Variants in KIAA0232 observed in about 807,000 individuals in gnomAD.
KIAA0232 encodes the protein KIAA0232, also known as uncharacterized protein KIAA0232.
In KIAA0232, 27 loss-of-function variants were observed where a neutral mutation model predicts 122.0. That is an observed-to-expected ratio of 0.22 (90% CI 0.16 to 0.31). The LOEUF (loss-of-function observed/expected upper bound fraction) is 0.31, where lower values mean the gene tolerates loss of function less well. Among genes scored for constraint, KIAA0232 ranks in the 10% least tolerant of loss-of-function variants. KIAA0232 has a pLI of 1.00. For synonymous variants in KIAA0232, 613 were observed against 587.6 expected, an observed-to-expected ratio of 1.04 and a Z score of -0.63; for missense variants, 1,551 against 1,634.2, an observed-to-expected ratio of 0.95 and a Z score of 0.88.
At chr4:6,788,066 T>A (rs2108857552) in intron 1 of KIAA0232, among the ~76,000 whole-genome samples, 1 of 152,288 alleles carries the variant, frequency 6.6e-6, no homozygotes, top group Non-Finnish European at 1.5e-5. Flanking sequence ...TGAGACAGGG[T>A]CTTACTCTGT....
intron 3 of KIAA0232, among the ~76,000 whole-genome samples, chr4:6,831,305 C>G (rs1035481279): frequency 6.6e-6 from 1 of 152,146 alleles, no homozygotes; most frequent in African/African-American, 2.4e-5. Flanking sequence ...CCGCCCGCCT[C>G]GGCCTCCCAA....
intron 7 of KIAA0232, among the ~76,000 whole-genome samples, chr4:6,870,663 G>A (rs887853549): frequency 6.6e-6 from 1 of 152,124 alleles, no homozygotes; most frequent in Non-Finnish European, 1.5e-5. Flanking sequence ...ATTAGCCGGG[G>A]TGGTGGTACA....
At chr4:6,856,528 T>C (rs1165460304) in intron 4 of KIAA0232, among the ~76,000 whole-genome samples, 1 of 152,194 alleles carries the variant, frequency 6.6e-6, no homozygotes, top group Non-Finnish European at 1.5e-5. Flanking sequence ...CTCTTCTATG[T>C]ACTCTCCTTA....
chr4:6,847,628 A>G (rs1401017383), intron 4 of KIAA0232, among the ~76,000 whole-genome samples: 2 of 152,198 alleles, frequency 1.3e-5, no homozygotes, highest in East Asian at 3.8e-4. Context: ...ACATATGCAA[A>G]TAACATGCAA....
intron 2 of KIAA0232, among the ~76,000 whole-genome samples, chr4:6,810,285 C>A: frequency 6.6e-6 from 1 of 152,076 alleles, no homozygotes; most frequent in East Asian, 1.9e-4. Context: ...TATTTATAGC[C>A]AACTGATCTT....
chr4:6,851,225 T>C (rs1433243357), intron 4 of KIAA0232, among the ~76,000 whole-genome samples: 2 of 152,226 alleles, frequency 1.3e-5, no homozygotes, highest in African/African-American at 4.8e-5. Flanking sequence ...ATAACTGGTC[T>C]AAGTTGTGAC....
intron 2 of KIAA0232, among the ~76,000 whole-genome samples, chr4:6,806,149 A>T (rs192848240): frequency 1.3e-5 from 2 of 152,274 alleles, no homozygotes; most frequent in East Asian, 3.9e-4. Context: ...GCATTTTTTT[A>T]AATCTCCATA....
At position 6,882,200 on chromosome 4, in the gene KIAA0232, C is replaced by T. The variant is rs1327067801; in HGVS notation, c.*1234C>T. ...GCCAGGAGGAGCAGTATGTGCACAG[C>T]CGAAACATTTTACATTTTTTACATT... is the stretch of plus-strand genomic sequence containing the variant. On this transcript the variant is annotated 3_prime_UTR_variant, in exon 10 of 10. Coordinates refer to ENST00000307659, the MANE Select transcript of KIAA0232 (RefSeq NM_014743.3). The T allele has an allele frequency of 6.6e-6, 1 of 152,226 alleles. No homozygotes were observed. Among genetic ancestry groups the T allele is most frequent in the Non-Finnish European group, 1.5e-5 (1 of 68,042 alleles). 9.4% of individuals were successfully genotyped at this position (152,226 alleles called of 1,614,324 possible). A position where few individuals can be genotyped will look rare whatever the true frequency, so the allele number is the denominator to read the frequency against.
In KIAA0232 at chr4:6,861,511, G is replaced by A; in HGVS notation, c.1129G>A (p.Asp377Asn). 1 of 1,614,102 alleles carries A rather than the reference G, an allele frequency of 6.2e-7. No homozygotes were observed. The highest frequency in any genetic ancestry group is 1.1e-5 in the South Asian group (1 of 91,084). Residue 377 changes from aspartate (D) to asparagine (N), a missense_variant, in exon 7 of 10, where the codon GAT (aspartate) becomes AAT (asparagine). Asp to Asn is a conservative substitution (Grantham distance 23, BLOSUM62 1). This residue lies in a region of KIAA0232 where 377 missense variants were observed against 381.7 expected (regional missense o/e 0.99). Coordinates refer to ENST00000307659, the MANE Select transcript of KIAA0232 (RefSeq NM_014743.3). ...ACCTTTAAAAGAAATAGGGAGAAAA[G>A]ATCCTGGGAGCACTGAAGGAAAAGA... ...KRPLKEIGRK[D>N]PGSTEGKDLY...
chr4:6,856,361 T>C (rs376006071), intron 4 of KIAA0232, among the ~76,000 whole-genome samples: 4 of 152,244 alleles, frequency 2.6e-5, no homozygotes, highest in Admixed American at 6.5e-5. Context: ...ACATTGACTT[T>C]TTTTGTCCAC....
intron 1 of KIAA0232, among the ~76,000 whole-genome samples, chr4:6,790,392 CTTTTTTTTT>C (rs10532360): frequency 2.7e-5 from 3 of 109,366 alleles, no homozygotes; most frequent in Admixed American, 9.1e-5. Flanking sequence ...TAAAAAAGGT[CTTTTTTTTT>C]TTTTTTTTTT....
chr4:6,817,585 C>T (rs1274931218), intron 2 of KIAA0232, among the ~76,000 whole-genome samples: 1 of 152,148 alleles, frequency 6.6e-6, no homozygotes, highest in Non-Finnish European at 1.5e-5. Flanking sequence ...CTTGATGTTA[C>T]CAGTTATAAT....
At chr4:6,877,180 C>T (rs753528286) in intron 9 of KIAA0232, among the ~76,000 whole-genome samples, 2 of 152,118 alleles carry the variant, frequency 1.3e-5, no homozygotes, top group African/African-American at 4.8e-5. Context: ...TGCTTGTTGC[C>T]GCTGTCCCGG....
intron 7 of KIAA0232, chr4:6,866,277 T>C: frequency 1.0e-6 from 1 of 967,928 alleles, no homozygotes; most frequent in Non-Finnish European, 1.2e-6. Flanking sequence ...TGTTGATGTA[T>C]TTATGTGTTA....
chr4:6,800,204 C>A (rs554358228), intron 1 of KIAA0232, among the ~76,000 whole-genome samples: 2 of 149,336 alleles, frequency 1.3e-5, no homozygotes, highest in East Asian at 2.0e-4. Context: ...ATTACAGGTG[C>A]CCGCCACCAT....
chr4:6,783,690 C>G (rs1363552728), intron 1 of KIAA0232, among the ~76,000 whole-genome samples: 1 of 148,210 alleles, frequency 6.7e-6, no homozygotes, highest in Non-Finnish European at 1.5e-5. Flanking sequence ...GCGCGGGGCG[C>G]GGCGCGGGGG....
intron 8 of KIAA0232, among the ~76,000 whole-genome samples, chr4:6,875,225 G>A (rs1721688258): frequency 6.6e-6 from 1 of 152,258 alleles, no homozygotes; most frequent in Admixed American, 6.5e-5. Context: ...TGCAATGTGT[G>A]TGCCCGGCAC....
At position 6,842,098 on chromosome 4, in the gene KIAA0232, G is replaced by C. The variant is rs1312169141; in HGVS notation, c.263G>C (p.Gly88Ala). Residue 88 changes from glycine to alanine, a missense_variant, in exon 4 of 10, where the codon GGA becomes GCA. Coordinates refer to ENST00000307659, the MANE Select transcript of KIAA0232 (RefSeq NM_014743.3). ...GACATCTTCCTGGGCTGGGAAAAAGGAGCTTATAAGAAATGGGGAAAGAGT... is the reference window on the plus strand; with the variant it reads ...GACATCTTCCTGGGCTGGGAAAAAGCAGCTTATAAGAAATGGGGAAAGAGT... The part of the protein sequence containing the change: ...ENDIFLGWEK[G>A]AYKKWGKSKK... The C allele has an allele frequency of 6.2e-7, 1 of 1,613,592 alleles. No homozygotes were observed. The highest frequency in any genetic ancestry group is 1.7e-5 in the Admixed American group (1 of 59,896).
At chr4:6,845,054 A>C (rs916796471) in intron 4 of KIAA0232, among the ~76,000 whole-genome samples, 1 of 152,176 alleles carries the variant, frequency 6.6e-6, no homozygotes, top group Non-Finnish European at 1.5e-5. Flanking sequence ...TCTCTGTCCA[A>C]ACTCTGGTTT....
Sources: allele counts gnomAD v4.1 joint callset (sites outside exome capture counted in the v4.1 genomes callset), GRCh38; gene constraint gnomAD v4.1.1; regional missense constraint gnomAD v4.1.1; transcripts MANE v1.5; gene names NCBI Gene and HGNC (gene_info 2026-07-23, HGNC 2026-07-21).